Variants in NPAS3 observed in about 807,000 individuals in gnomAD.
NPAS3 encodes the protein neuronal PAS domain protein 3.
In NPAS3, 14 loss-of-function variants were observed where a neutral mutation model predicts 73.1. The observed-to-expected ratio is 0.19, with a 90% CI of 0.13 to 0.30. NPAS3 has a LOEUF of 0.30. Among genes scored for constraint, NPAS3 ranks in the 10% least tolerant of loss-of-function variants. NPAS3 has a pLI of 1.00. For missense variants in NPAS3, 1,096 were observed against 1,250.0 expected (o/e 0.88, Z 1.86); for synonymous variants, 620 against 541.5 (o/e 1.14, Z -2.01).
chr14:33,615,124 C>A (rs2057873073), intron 5 of NPAS3, among the ~76,000 whole-genome samples: 1 of 152,026 alleles, frequency 6.6e-6, no homozygotes. Context: ...GCACTTAGGG[C>A]AATAAGTAAT....
chr14:33,282,727 A>T (rs2041678409), intron 3 of NPAS3, among the ~76,000 whole-genome samples: 4 of 152,082 alleles, frequency 2.6e-5, no homozygotes, highest in Non-Finnish European at 5.9e-5. Flanking sequence ...CTGGAGCGGG[A>T]CTGAATAGGG....
In NPAS3 at chr14:33,308,510, T is replaced by TTTTATATATATATA. The variant is rs374327824; in HGVS notation, c.386-58675_386-58674insTTATATATATATAT. 3.6e-5 allele frequency among the ~76,000 whole-genome samples: 3 copies of TTTTATATATATATA among 83,534 alleles called. 1 individual carries two copies. The highest frequency in any genetic ancestry group is 1.8e-4 in the African/African-American group (3 of 16,370). 54.8% of individuals were successfully genotyped at this position (83,534 alleles called of 152,430 possible). A position where few individuals can be genotyped will look rare whatever the true frequency, so the allele number is the denominator to read the frequency against. ...TTTTCTAAAGGGACTATTGCATAGT[T>TTTTATATATATATA]TATATATATATATATATACATACAC... On this transcript the variant is annotated intron_variant, in intron 3 of 11. Transcript: ENST00000356141.
At chr14:33,026,556 T>G (rs1289306485) in intron 1 of NPAS3, among the ~76,000 whole-genome samples, 2 of 152,066 alleles carry the variant, frequency 1.3e-5, no homozygotes, top group Admixed American at 6.5e-5. Context: ...TGTTCCTCTC[T>G]GTTCACTGTG....
chr14:33,519,887 T>C (rs182005348), intron 4 of NPAS3, among the ~76,000 whole-genome samples: 54 of 152,096 alleles, frequency 3.6e-4, no homozygotes, highest in African/African-American at 1.2e-3. Context: ...GATACCTCCT[T>C]GGGAGGTACG....
intron 2 of NPAS3, among the ~76,000 whole-genome samples, chr14:33,071,440 TTTAA>T (rs139625498): frequency 0.013 from 1,988 of 152,230 alleles, 38 homozygotes; most frequent in African/African-American, 0.045. Context: ...AAGTAAATCT[TTTAA>T]TTGAGACTTT....
intron 3 of NPAS3, among the ~76,000 whole-genome samples, chr14:33,329,185 C>A (rs1344719971): frequency 6.6e-6 from 1 of 152,170 alleles, no homozygotes; most frequent in East Asian, 1.9e-4. Context: ...TGCTGCATGG[C>A]AAGCCCTGTT....
At chr14:33,529,894 A>T (rs540257467) in intron 4 of NPAS3, among the ~76,000 whole-genome samples, 1 of 152,146 alleles carries the variant, frequency 6.6e-6, no homozygotes, top group African/African-American at 2.4e-5. Flanking sequence ...TGTTCTATTA[A>T]CATATTTTAC....
intron 5 of NPAS3, among the ~76,000 whole-genome samples, chr14:33,647,975 T>A (rs2058882658): frequency 6.6e-6 from 1 of 152,206 alleles, no homozygotes. Flanking sequence ...AAGATGGATT[T>A]GTTAATTTAT....
intron 5 of NPAS3, among the ~76,000 whole-genome samples, chr14:33,610,515 A>C (rs1020152162): frequency 1.5e-4 from 23 of 152,196 alleles, no homozygotes. Flanking sequence ...TGACAAAAAA[A>C]CAAAATCTCT....
intron 6 of NPAS3, among the ~76,000 whole-genome samples, chr14:33,700,569 A>G (rs1221314600): frequency 6.6e-6 from 1 of 152,198 alleles, no homozygotes; most frequent in Non-Finnish European, 1.5e-5. Context: ...TTAAAAAGTT[A>G]TAATTCAGTC....
At chr14:33,711,124 C>T (rs982584646) in intron 6 of NPAS3, among the ~76,000 whole-genome samples, 12 of 152,138 alleles carry the variant, frequency 7.9e-5, no homozygotes, top group African/African-American at 1.4e-4. Context: ...GTAATACATA[C>T]GTGCATGCAC....
chr14:33,581,554 A>G lies in NPAS3; in HGVS notation c.558+21344A>G, dbSNP rs904775555. 1.3e-5 allele frequency among the ~76,000 whole-genome samples: 2 copies of G among 152,150 alleles called. 1 individual carries two copies. ...TGTGACCGCTTTGTAGCCCTTTTGT[A>G]AAATTTAAAATACTATGGGCGTTTT... On this transcript the variant is annotated intron_variant, in intron 5 of 11. Coordinates refer to ENST00000356141, the Ensembl canonical transcript of NPAS3.
intron 3 of NPAS3, among the ~76,000 whole-genome samples, chr14:33,240,370 T>A (rs2048175390): frequency 6.6e-6 from 1 of 151,766 alleles, no homozygotes; most frequent in Non-Finnish European, 1.5e-5. Flanking sequence ...CTTATTTTTC[T>A]TTTTCTTTTT....
At chr14:33,206,730 T>A (rs2046835386) in intron 2 of NPAS3, among the ~76,000 whole-genome samples, 1 of 152,220 alleles carries the variant, frequency 6.6e-6, no homozygotes. Flanking sequence ...TGCTGTATAC[T>A]GTTGAAAAAG....
chr14:33,500,514 C>T (rs897442122), intron 4 of NPAS3, among the ~76,000 whole-genome samples: 7 of 151,842 alleles, frequency 4.6e-5, no homozygotes, highest in African/African-American at 1.7e-4. Context: ...TGATCTGGAC[C>T]AGCAGAAGGC....
chr14:33,038,484 T>A (rs904134628), intron 1 of NPAS3, among the ~76,000 whole-genome samples: 5 of 152,040 alleles, frequency 3.3e-5, no homozygotes, highest in African/African-American at 1.2e-4. Context: ...TCAGAAATAA[T>A]GTTAAAGTAT....
chr14:32,988,435 C>G (rs1184060829), intron 1 of NPAS3, among the ~76,000 whole-genome samples: 1 of 151,956 alleles, frequency 6.6e-6, no homozygotes, highest in East Asian at 1.9e-4. Context: ...AAAATGAAAA[C>G]ATTTTCTCCA....
chr14:32,978,513 ATATT>A (rs2037779012), intron 1 of NPAS3, among the ~76,000 whole-genome samples: 1 of 151,942 alleles, frequency 6.6e-6, no homozygotes, highest in African/African-American at 2.4e-5. Flanking sequence ...GTATTTATAA[ATATT>A]AGCAGTTTTT....
chr14:33,001,901 C>A (rs2038822148), intron 1 of NPAS3, among the ~76,000 whole-genome samples: 1 of 152,236 alleles, frequency 6.6e-6, no homozygotes, highest in Admixed American at 6.5e-5. Flanking sequence ...CCTAGCCTCA[C>A]CTCCTTCCTA....
Sources: allele counts gnomAD v4.1 joint callset (sites outside exome capture counted in the v4.1 genomes callset), GRCh38; gene constraint gnomAD v4.1.1; transcripts MANE v1.5; gene names NCBI Gene and HGNC (gene_info 2026-07-23, HGNC 2026-07-21).